Variants in JPT2 observed in about 807,000 individuals in gnomAD.
JPT2 encodes CRAMP_1 like.
In JPT2, 9 loss-of-function variants were observed where a neutral mutation model predicts 15.9. The observed-to-expected ratio is 0.57, with a 90% CI of 0.34 to 0.99. The LOEUF (loss-of-function observed/expected upper bound fraction) is 0.99, where lower values mean the gene tolerates loss of function less well. Ranked by LOEUF, JPT2 falls within the 50% of genes least tolerant of loss-of-function variation. The pLI is 0.02. For synonymous variants in JPT2, 95 were observed against 91.7 expected (o/e 1.04, Z -0.21); for missense variants, 267 against 252.1 (o/e 1.06, Z -0.40).
intron 1 of JPT2, among the ~76,000 whole-genome samples, chr16:1,681,628 C>A (rs2037023774): frequency 6.6e-6 from 1 of 152,178 alleles, no homozygotes; most frequent in Admixed American, 6.5e-5. Context: ...CACACAGACA[C>A]TGAAACCACC....
chr16:1,696,402 TC>T (rs2037142337), intron 3 of JPT2, among the ~76,000 whole-genome samples: 1 of 151,528 alleles, frequency 6.6e-6, no homozygotes, highest in Non-Finnish European at 1.5e-5. Context: ...GCGCCTGTAC[TC>T]CCAGCTACTC....
intron 1 of JPT2, among the ~76,000 whole-genome samples, chr16:1,680,004 A>G (rs992128952): frequency 6.6e-6 from 1 of 151,906 alleles, no homozygotes; most frequent in Admixed American, 6.6e-5. Flanking sequence ...GCTTGCAGTG[A>G]GCCGAGATCA....
At position 1,698,098 on chromosome 16, in the gene JPT2, C is replaced by G. The variant is rs1053531128; in HGVS notation, c.385+238C>G. ...AGGCCCAGGGCCATGGGGTCGTCTCCTAGAAGCTCATCTGTGTAGTGATGG... is the reference window on the plus strand; with the variant it reads ...AGGCCCAGGGCCATGGGGTCGTCTCGTAGAAGCTCATCTGTGTAGTGATGG... On this transcript the variant is annotated intron_variant, in intron 4 of 4. Coordinates refer to ENST00000248098, the MANE Select transcript of JPT2 (RefSeq NM_144570.3). The surrounding 1 kb of genome is among the most constrained non-coding windows in gnomAD (Gnocchi z 4.9). 1.3e-5 allele frequency among the ~76,000 whole-genome samples: 2 copies of G among 152,226 alleles called. No individual in the cohort carries two copies. The highest frequency in any genetic ancestry group is 2.9e-5 in the Non-Finnish European group (2 of 68,032).
intron 2 of JPT2, among the ~76,000 whole-genome samples, chr16:1,687,485 C>A (rs2037075421): frequency 6.6e-6 from 1 of 152,162 alleles, no homozygotes. Context: ...CCTATCTGAG[C>A]CATTTCCAGG....
chr16:1,685,688 C>T, intron 2 of JPT2, 101 bp downstream of exon 2: 1 of 1,243,714 alleles, frequency 8.0e-7, no homozygotes, highest in Non-Finnish European at 1.1e-6. Context: ...TTGTCTGGTT[C>T]AGGTAATCAC....
intron 2 of JPT2, among the ~76,000 whole-genome samples, chr16:1,691,099 C>T (rs1159871976): frequency 2.6e-5 from 4 of 152,214 alleles, no homozygotes; most frequent in Non-Finnish European, 5.9e-5. Flanking sequence ...TAGCATAGCA[C>T]TTTGTCAAAA....
intron 2 of JPT2, chr16:1,686,087 T>C (rs2037062991): frequency 6.5e-6 from 1 of 153,344 alleles, no homozygotes; most frequent in Non-Finnish European, 1.4e-5. Flanking sequence ...GAAAAAGGTT[T>C]CTTGGCCAGG....
Position 1,699,486 on chromosome 16 carries a change from C to A in JPT2, c.*488C>A, listed in dbSNP as rs2037166851. Reference sequence around the variant, plus strand: ...AATCCAGCATCCCCACTTCATTTTACCCCCAGCATATTGTTCTGTAGTCTT... The same window carrying A: ...AATCCAGCATCCCCACTTCATTTTAACCCCAGCATATTGTTCTGTAGTCTT... On this transcript the variant is annotated 3_prime_UTR_variant, in exon 5 of 5. Coordinates refer to ENST00000248098, the MANE Select transcript of JPT2 (RefSeq NM_144570.3). 5.7e-6 allele frequency: 2 copies of A among 348,780 alleles called. No individual in the cohort carries two copies. The highest frequency in any genetic ancestry group is 2.2e-5 in the South Asian group (1 of 46,418). 21.6% of individuals were successfully genotyped at this position (348,780 alleles called of 1,614,324 possible). A position where few individuals can be genotyped will look rare whatever the true frequency, so the allele number is the denominator to read the frequency against.
In JPT2 at chr16:1,691,844, G is replaced by A; in HGVS notation, c.195G>A (p.Gly65=). Reference sequence around the variant, plus strand: ...AGTGTTCTGTGATCGTTTCTGCAGGGGGTAAAGGAAGTGGTATCTTTGACG... The same window carrying A: ...AGTGTTCTGTGATCGTTTCTGCAGGAGGTAAAGGAAGTGGTATCTTTGACG... ...QNIPKRTNPP[G]GKGSGIFDES... Residue 65 remains glycine, a splice_region_variant and synonymous_variant, in exon 3 of 5, where the codon GGG becomes GGA. Coordinates refer to ENST00000248098, the MANE Select transcript of JPT2 (RefSeq NM_144570.3). 1 of 1,613,384 alleles carries A rather than the reference G, an allele frequency of 6.2e-7. No individual in the cohort carries two copies. The highest frequency in any genetic ancestry group is 8.5e-7 in the Non-Finnish European group (1 of 1,179,882).
At chr16:1,682,334 G>A (rs963098608) in intron 1 of JPT2, among the ~76,000 whole-genome samples, 8 of 151,694 alleles carry the variant, frequency 5.3e-5, no homozygotes, top group African/African-American at 1.7e-4. Context: ...CTGAGATCGC[G>A]TCACTGTATT....
intron 1 of JPT2, chr16:1,680,571 C>T (rs1344719492): frequency 3.1e-5 from 33 of 1,070,324 alleles, no homozygotes; most frequent in African/African-American, 1.3e-4. Context: ...GGGGTCGAGT[C>T]GCAGGGCGGG....
At chr16:1,702,524 G>A (rs2037186194), downstream of JPT2, among the ~76,000 whole-genome samples, 3 of 152,224 alleles carry the variant, frequency 2.0e-5, no homozygotes, top group South Asian at 2.1e-4. Flanking sequence ...TTGCCACCTC[G>A]AGCCCCGTGC....
chr16:1,680,406 G>A, intron 1 of JPT2: 1 of 1,143,792 alleles, frequency 8.7e-7, no homozygotes. Context: ...ACTACCCTGG[G>A]GGACTGGTTT....
intron 2 of JPT2, chr16:1,690,419 T>C (rs1348240665): frequency 6.6e-6 from 1 of 152,268 alleles, no homozygotes; most frequent in Non-Finnish European, 1.5e-5. Flanking sequence ...TCTCTGCCTA[T>C]ATAAATGAAA....
intron 3 of JPT2, among the ~76,000 whole-genome samples, chr16:1,697,368 C>T (rs1244343728): frequency 6.6e-6 from 1 of 152,118 alleles, no homozygotes; most frequent in Non-Finnish European, 1.5e-5. Context: ...GAAAAATTAG[C>T]CAGGTGTGGT....
Position 1,678,352 on chromosome 16 carries a change from T to C in JPT2, c.40T>C (p.Ser14Pro), listed in dbSNP as rs2036989872. The stretch of plus-strand genomic sequence containing the variant: ...GGATAGCGAGGGCGGCCGCGCCGGC[T>C]CCAGGTGCGGCGCGGGGCACACGGG... ...VPDSEGGRAG[S>P]RAMKPPGGES... Residue 14 changes from serine to proline, a missense_variant, in exon 1 of 5, where the codon TCC (serine) becomes CCC (proline). Coordinates refer to ENST00000248098, the MANE Select transcript of JPT2 (RefSeq NM_144570.3). 4 of 1,226,632 alleles carry C rather than the reference T, an allele frequency of 3.3e-6. No individual in the cohort carries two copies. In the Admixed American group the frequency reaches 1.3e-4, roughly 39 times the overall value. The allele number at this position is 1,226,632 out of a possible 1,614,324, so 76.0% of individuals were successfully genotyped here. A position where few individuals can be genotyped will look rare whatever the true frequency, so the allele number is the denominator to read the frequency against.
intron 2 of JPT2, among the ~76,000 whole-genome samples, chr16:1,687,968 C>T (rs532568934): frequency 1.3e-5 from 2 of 152,180 alleles, no homozygotes; most frequent in South Asian, 2.1e-4. Context: ...TCATAGCCAT[C>T]GAATGTTTAT....
At chr16:1,689,851 C>T (rs1295308448) in intron 2 of JPT2, 1 of 152,176 alleles carries the variant, frequency 6.6e-6, no homozygotes, top group Non-Finnish European at 1.5e-5. Flanking sequence ...CTGACCCAGG[C>T]AGTCTGGCCA....
At position 1,699,573 on chromosome 16, in the gene JPT2, AT is replaced by A; in HGVS notation, c.*576del. 3.1e-6 allele frequency: 1 copy of A among 326,422 alleles called. No individual in the cohort carries two copies. The highest frequency in any genetic ancestry group is 6.1e-6 in the Non-Finnish European group (1 of 164,438). 20.2% of individuals were successfully genotyped at this position (326,422 alleles called of 1,614,324 possible). On this transcript the variant is annotated 3_prime_UTR_variant, in exon 5 of 5. Transcript: ENST00000248098. The stretch of plus-strand genomic sequence containing the variant: ...TTCAAAAAACCAAATAATAATAGTT[AT>A]CCGTCTTCTACTTCATGGAAGATTG...
Sources: gnomAD v4.1 joint callset for allele counts (sites outside exome capture counted in the v4.1 genomes callset) on GRCh38, gnomAD v4.1.1 for gene constraint, Gnocchi (gnomAD v3.1) non-coding constraint, MANE v1.5 for transcripts, NCBI Gene and HGNC (gene_info 2026-07-23, HGNC 2026-07-21) for gene names.